Variants in CSMD3 observed in about 807,000 individuals in gnomAD.
CSMD3 encodes CUB and Sushi multiple domains 3.
Under a neutral mutation model 435.2 loss-of-function variants are expected in CSMD3, and 177 were observed. The observed-to-expected ratio is 0.41, with a 90% confidence interval of 0.36 to 0.46. The LOEUF is 0.46. Ranked by LOEUF, CSMD3 falls within the 20% of genes least tolerant of loss-of-function variation. The probability of loss-of-function intolerance (pLI) is 0.34; values close to 1 mark genes in which losing one functional copy is unlikely to be tolerated. For synonymous variants in CSMD3, 1,656 were observed against 1,520.5 expected (o/e 1.09, Z -2.07); for missense variants, 4,265 against 4,504.6 (o/e 0.95, Z 1.52).
intron 1 of CSMD3, among the ~76,000 whole-genome samples, chr8:113,340,906 A>C (rs1489369626): frequency 6.6e-6 from 1 of 151,518 alleles, no homozygotes; most frequent in Non-Finnish European, 1.5e-5. Context: ...CTACTCCACC[A>C]GTGCCAGAAG....
At chr8:112,261,930 A>G (rs926129038) in intron 61 of CSMD3, among the ~76,000 whole-genome samples, 5 of 151,914 alleles carry the variant, frequency 3.3e-5, no homozygotes, top group African/African-American at 1.2e-4. Flanking sequence ...ACATATATAT[A>G]TTCTAAATAT....
At chr8:113,217,601 CA>C (rs2092919908) in intron 3 of CSMD3, among the ~76,000 whole-genome samples, 1 of 151,348 alleles carries the variant, frequency 6.6e-6, no homozygotes, top group Non-Finnish European at 1.5e-5. Context: ...ACAGCGTATT[CA>C]AAATTGTAGG....
intron 3 of CSMD3, among the ~76,000 whole-genome samples, chr8:113,250,877 G>A (rs1312459470): frequency 6.6e-6 from 1 of 151,940 alleles, no homozygotes; most frequent in Admixed American, 6.6e-5. Flanking sequence ...TAGCCAGCGC[G>A]GAAGACAGCC....
intron 9 of CSMD3, among the ~76,000 whole-genome samples, chr8:112,945,677 A>AATGTCTCCATT (rs1264934106): frequency 6.6e-6 from 1 of 151,360 alleles, no homozygotes; most frequent in African/African-American, 2.4e-5. Flanking sequence ...CAATGTATTT[A>AATGTCTCCATT]AAACAAAACA....
At chr8:112,697,592 G>T (rs1432721091) in intron 13 of CSMD3, among the ~76,000 whole-genome samples, 1 of 151,464 alleles carries the variant, frequency 6.6e-6, no homozygotes, top group Admixed American at 6.6e-5. Flanking sequence ...CTGTTGTGGG[G>T]TGGGGGCAGG....
intron 6 of CSMD3, among the ~76,000 whole-genome samples, chr8:113,014,475 C>T (rs932960954): frequency 1.2e-4 from 18 of 151,724 alleles, no homozygotes; most frequent in Admixed American, 4.6e-4. Context: ...GGGATAATTC[C>T]CCCAGAAGAA....
rs79679359 is a variant in CSMD3, at chr8:113,188,774, C to T, written c.515-14858G>A. On this transcript the variant is annotated intron_variant, in intron 3 of 70. Transcript: ENST00000297405. ...ACCTGCCTTCGAATCCTATCTCTGC[C>T]ATTTACCATAAGCATGTGGAAGTGA... is the stretch of plus-strand genomic sequence containing the variant. 6.6e-3 allele frequency among the ~76,000 whole-genome samples: 1,004 copies of T among 151,956 alleles called. 11 individuals are homozygous for T. The highest frequency in any genetic ancestry group is 0.022 in the African/African-American group (904 of 41,522).
chr8:113,356,433 T>C (rs1384448573), intron 1 of CSMD3, among the ~76,000 whole-genome samples: 1 of 152,096 alleles, frequency 6.6e-6, no homozygotes, highest in Non-Finnish European at 1.5e-5. Context: ...GTGGTTAAAG[T>C]ATAAATATGA....
chr8:112,318,700 T>C, intron 47 of CSMD3, 137 bp downstream of exon 47: 1 of 648,264 alleles, frequency 1.5e-6, no homozygotes, highest in African/African-American at 1.8e-5. Flanking sequence ...AAATAGCACA[T>C]ATGAGTTATA....
intron 20 of CSMD3, 138 bp from the exon 21 acceptor site, chr8:112,639,049 CA>C (rs2074743484): frequency 4.7e-6 from 3 of 638,802 alleles, no homozygotes; most frequent in African/African-American, 1.8e-5. Context: ...TAAAATATTC[CA>C]AATATATGTT....
rs183735240 is a variant in CSMD3 at position 113,260,770 on chromosome 8, C to T, written c.514+17822G>A. Among the ~76,000 whole-genome samples the T allele has an allele frequency of 3.8e-3, 579 of 152,184 alleles. 7 individuals carry two copies. The highest frequency in any genetic ancestry group is 0.013 in the African/African-American group (558 of 41,556). ...GCCCCAGTGTGTGATGTTCCCTTCCCTGTGTCCATGTGTTCTCATTTTCAA... is the reference window on the plus strand; with the variant it reads ...GCCCCAGTGTGTGATGTTCCCTTCCTTGTGTCCATGTGTTCTCATTTTCAA... On this transcript the variant is annotated intron_variant, in intron 3 of 70. Coordinates refer to ENST00000297405, the MANE Select transcript of CSMD3 (RefSeq NM_198123.2).
At chr8:113,236,586 C>G (rs1042780502) in intron 3 of CSMD3, among the ~76,000 whole-genome samples, 2 of 152,044 alleles carry the variant, frequency 1.3e-5, no homozygotes, top group African/African-American at 4.8e-5. Flanking sequence ...GAACTCCAGT[C>G]TCTTCAGTCT....
intron 56 of CSMD3, among the ~76,000 whole-genome samples, chr8:112,291,298 G>T (rs988365691): frequency 6.6e-6 from 1 of 151,792 alleles, no homozygotes; most frequent in African/African-American, 2.4e-5. Context: ...ATCAAAGAAT[G>T]ATAGATAAAT....
At chr8:113,210,878 CA>C (rs11287401) in intron 3 of CSMD3, among the ~76,000 whole-genome samples, 49,109 of 143,016 alleles carry the variant, frequency 0.34, 9,026 homozygotes, top group African/African-American at 0.53. Context: ...GACTCATTCT[CA>C]AAAAAAAAAA....
chr8:112,378,481 A>G (rs1204713991), intron 38 of CSMD3, among the ~76,000 whole-genome samples: 1 of 152,218 alleles, frequency 6.6e-6, no homozygotes, highest in Non-Finnish European at 1.5e-5. Context: ...AGTACTATTC[A>G]TCCATAAAAT....
At chr8:112,958,213 C>T (rs11992839) in intron 7 of CSMD3, among the ~76,000 whole-genome samples, 4 of 152,096 alleles carry the variant, frequency 2.6e-5, no homozygotes, top group African/African-American at 9.7e-5. Context: ...ACTATGTATG[C>T]TCTAATAATT....
At chr8:112,270,547 A>G (rs139747204) in intron 59 of CSMD3, among the ~76,000 whole-genome samples, 301 of 152,202 alleles carry the variant, frequency 2.0e-3, no homozygotes, top group Non-Finnish European at 3.2e-3. Context: ...AATATTAGGG[A>G]GCAGATACCT....
intron 1 of CSMD3, among the ~76,000 whole-genome samples, chr8:113,393,658 G>A (rs2094470925): frequency 6.6e-6 from 1 of 152,052 alleles, no homozygotes; most frequent in Non-Finnish European, 1.5e-5. Flanking sequence ...GTACAATTTT[G>A]TGTAGTTCCA....
chr8:113,154,449 G>T (rs918694209), intron 4 of CSMD3, among the ~76,000 whole-genome samples: 1 of 151,608 alleles, frequency 6.6e-6, no homozygotes, highest in African/African-American at 2.4e-5. Flanking sequence ...AAAACAATGT[G>T]TTTTTTTTAA....
Sources: allele counts gnomAD v4.1 joint callset (sites outside exome capture counted in the v4.1 genomes callset), GRCh38; gene constraint gnomAD v4.1.1; transcripts MANE v1.5; gene names NCBI Gene and HGNC (gene_info 2026-07-23, HGNC 2026-07-21).